Variants in KCNB2 observed in about 807,000 individuals in gnomAD.
KCNB2 encodes delayed rectifier potassium channel protein.
In KCNB2, 15 loss-of-function variants were observed where a neutral mutation model predicts 61.5. The ratio of observed to expected loss-of-function variants is 0.24; its 90% CI spans 0.16 to 0.38. KCNB2 has a LOEUF of 0.38. KCNB2 is among the 10% of genes least tolerant of loss of function. KCNB2 has a pLI of 1.00. For missense variants in KCNB2, 828 were observed against 1,125.2 expected (o/e 0.74, Z 3.78); for synonymous variants, 457 against 446.0 (o/e 1.02, Z -0.31).
chr8:72,867,188 GTATC>G (rs10539129), intron 2 of KCNB2, among the ~76,000 whole-genome samples: 3,062 of 152,020 alleles, frequency 0.02, 106 homozygotes, highest in African/African-American at 0.07. Context: ...ATTTTAGACA[GTATC>G]TACACAAGTA....
intron 2 of KCNB2, among the ~76,000 whole-genome samples, chr8:72,631,722 G>A (rs951876260): frequency 6.6e-6 from 1 of 152,136 alleles, no homozygotes; most frequent in African/African-American, 2.4e-5. Flanking sequence ...AATGTTCTTT[G>A]TCAAGCTAGA....
chr8:72,605,018 G>A (rs959651615), intron 2 of KCNB2, among the ~76,000 whole-genome samples: 3 of 152,106 alleles, frequency 2.0e-5, no homozygotes, highest in Admixed American at 6.5e-5. Flanking sequence ...ATTTTATTTT[G>A]TTCCTGTTGT....
chr8:72,865,349 AG>A (rs1282105733), intron 2 of KCNB2, among the ~76,000 whole-genome samples: 1 of 152,044 alleles, frequency 6.6e-6, no homozygotes, highest in Non-Finnish European at 1.5e-5. Context: ...CAAAGCATCT[AG>A]TGCCCAGGCC....
chr8:72,861,626 G>A (rs919666892), intron 2 of KCNB2, among the ~76,000 whole-genome samples: 5 of 152,118 alleles, frequency 3.3e-5, no homozygotes, highest in Admixed American at 6.5e-5. Context: ...CTGGTGGGCC[G>A]CTCACCCAGC....
intron 2 of KCNB2, among the ~76,000 whole-genome samples, chr8:72,655,568 AC>A (rs1806277814): frequency 6.6e-6 from 1 of 152,120 alleles, no homozygotes; most frequent in Non-Finnish European, 1.5e-5. Context: ...ACAGATATCT[AC>A]TACTTTCTAA....
chr8:72,638,487 T>C (rs1465048246), intron 2 of KCNB2, among the ~76,000 whole-genome samples: 3 of 152,190 alleles, frequency 2.0e-5, no homozygotes, highest in Non-Finnish European at 4.4e-5. Context: ...TTCTTCACAG[T>C]TGAAGGTAAA....
At chr8:72,776,599 A>G (rs1259094774) in intron 2 of KCNB2, among the ~76,000 whole-genome samples, 3 of 152,088 alleles carry the variant, frequency 2.0e-5, no homozygotes, top group Non-Finnish European at 4.4e-5. Flanking sequence ...TGTTTCTATG[A>G]TTGCTGCTAA....
chr8:72,797,029 C>CTATTTAT lies in KCNB2; in HGVS notation c.580-138904_580-138898dup, dbSNP rs529530583. The stretch of plus-strand genomic sequence containing the variant: ...AGTGCTTTGTAAATTACAAATAATT[C>CTATTTAT]TATTTATTTGAGCATCATGACCTCT... On this transcript the variant is annotated intron_variant, in intron 2 of 2. Transcript: ENST00000523207. 3.5e-3 allele frequency among the ~76,000 whole-genome samples: 531 copies of CTATTTAT among 152,200 alleles called. 4 individuals are homozygous for CTATTTAT. The highest frequency in any genetic ancestry group is 0.012 in the African/African-American group (497 of 41,518).
intron 2 of KCNB2, among the ~76,000 whole-genome samples, chr8:72,733,016 G>C (rs1382621593): frequency 6.6e-6 from 1 of 152,048 alleles, no homozygotes; most frequent in Non-Finnish European, 1.5e-5. Context: ...ACAGATAAAT[G>C]CATGAAAAGA....
At chr8:72,882,520 T>TGAGA (rs147239924) in intron 2 of KCNB2, among the ~76,000 whole-genome samples, 50,838 of 115,260 alleles carry the variant, frequency 0.44, 10,479 homozygotes, top group South Asian at 0.55. Flanking sequence ...TGCTGACAGT[T>TGAGA]GAGAGAGAGA....
intron 2 of KCNB2, among the ~76,000 whole-genome samples, chr8:72,910,658 G>T (rs1806272082): frequency 6.6e-6 from 1 of 152,132 alleles, no homozygotes; most frequent in Non-Finnish European, 1.5e-5. Context: ...TTGAATTCAG[G>T]GACAAGTTAG....
intron 2 of KCNB2, among the ~76,000 whole-genome samples, chr8:72,714,757 A>G (rs535575521): frequency 4.6e-5 from 7 of 151,974 alleles, no homozygotes; most frequent in African/African-American, 1.7e-4. Flanking sequence ...ATCAACTAAC[A>G]AGCAAAATAA....
intron 2 of KCNB2, among the ~76,000 whole-genome samples, chr8:72,607,318 A>C (rs1563537121): frequency 1.3e-5 from 2 of 152,256 alleles, no homozygotes; most frequent in South Asian, 2.1e-4. Flanking sequence ...TGGGCTTCCT[A>C]AAGTAGAAAG....
intron 2 of KCNB2, among the ~76,000 whole-genome samples, chr8:72,644,854 G>T (rs896270035): frequency 6.6e-6 from 1 of 152,078 alleles, no homozygotes; most frequent in Non-Finnish European, 1.5e-5. Context: ...GAAACTGAAT[G>T]ACTTGACCAA....
At chr8:72,628,396 AGGGG>A (rs3031982) in intron 2 of KCNB2, among the ~76,000 whole-genome samples, 2 of 144,994 alleles carry the variant, frequency 1.4e-5, no homozygotes, top group Non-Finnish European at 3.0e-5. Context: ...TTCTCCTGTT[AGGGG>A]GTGTGTGTGT....
chr8:72,743,732 CAT>C (rs1281914468), intron 2 of KCNB2, among the ~76,000 whole-genome samples: 1 of 152,170 alleles, frequency 6.6e-6, no homozygotes, highest in African/African-American at 2.4e-5. Context: ...GAAATTATGA[CAT>C]ATTGTATATA....
chr8:72,602,357 C>T (rs1308360700), intron 2 of KCNB2, among the ~76,000 whole-genome samples: 1 of 152,072 alleles, frequency 6.6e-6, no homozygotes, highest in Non-Finnish European at 1.5e-5. Context: ...TAGAATTTTG[C>T]TGCAGATGCT....
chr8:72,936,969 G>C lies in KCNB2; in HGVS notation c.1614G>C (p.Gln538His). ...SSSSPQHLSA[Q>H]KLEMLYNEIT... is the part of the protein sequence containing the mutation. ...CCAGCCCACAGCATCTGAGTGCCCAGAAACTGGAGATGCTATACAATGAAA... is the reference window on the plus strand; with the variant it reads ...CCAGCCCACAGCATCTGAGTGCCCACAAACTGGAGATGCTATACAATGAAA... The change falls in exon 3 of 3, where the codon CAG becomes CAC. Residue 538 changes from glutamine to histidine, a missense_variant. By Grantham distance (24) the Gln-to-His change is conservative (BLOSUM62 0). Transcript: ENST00000523207. This position sits in a 1 kb window ranked among gnomAD's most constrained non-coding sequence, Gnocchi z 5.6. 2.5e-6 allele frequency: 4 copies of C among 1,614,174 alleles called. No homozygotes were observed. The highest frequency in any genetic ancestry group is 3.4e-6 in the Non-Finnish European group (4 of 1,180,028).
chr8:72,561,715 A>ATTC (rs1806519900), intron 1 of KCNB2, among the ~76,000 whole-genome samples: 1 of 24,526 alleles, frequency 4.1e-5, no homozygotes, highest in South Asian at 1.0e-3. Context: ...ATATATATAT[A>ATTC]TATATATATA....
Sources: gnomAD v4.1 joint callset for allele counts (sites outside exome capture counted in the v4.1 genomes callset) on GRCh38, gnomAD v4.1.1 for gene constraint, Gnocchi (gnomAD v3.1) non-coding constraint, MANE v1.5 for transcripts, NCBI Gene and HGNC (gene_info 2026-07-23, HGNC 2026-07-21) for gene names.